Variants in ABCA3 observed in about 807,000 individuals in gnomAD.
The protein encoded by ABCA3 is phospholipid-transporting ATPase ABCA3.
ABCA3 carries 88 observed loss-of-function variants against 172.8 expected under a neutral mutation model. The ratio of observed to expected loss-of-function variants is 0.51; its 90% CI spans 0.43 to 0.61. The LOEUF is 0.61. Ranked by LOEUF, ABCA3 falls within the 20% of genes least tolerant of loss-of-function variation. The pLI, the probability that ABCA3 is intolerant of heterozygous loss-of-function variation, is 0.00. For synonymous variants in ABCA3, 1,066 were observed against 983.8 expected, an observed-to-expected ratio of 1.08 and a Z score of -1.56; for missense variants, 2,164 against 2,301.0, an observed-to-expected ratio of 0.94 and a Z score of 1.22.
At position 2,288,268 on chromosome 16, in the gene ABCA3, C is replaced by T. The variant is rs757826923; in HGVS notation, c.2762G>A (p.Arg921His). Residue 921 changes from arginine (R) to histidine (H), a missense_variant, in exon 21 of 33, where the codon CGC becomes CAC. This residue lies in a region of ABCA3 where 1,343 missense variants were observed against 1,369.6 expected (regional missense o/e 0.98). Transcript: ENST00000301732. ...MFLKKAAYSW[R>H]EWKMVAAQVL... ...CTGTGCCGCCACCATTTTCCACTCG[C>T]GCCAGCTGTATGCGGCCTTCTTCAG... The T allele has an allele frequency of 8.8e-6, 14 of 1,587,694 alleles. No homozygotes were observed. Among genetic ancestry groups the T allele is most frequent in the East Asian group, 6.8e-5 (3 of 43,928 alleles).
At chr16:2,299,111 G>A (rs377475764) in intron 14 of ABCA3, among the ~76,000 whole-genome samples, 3 of 139,054 alleles carry the variant, frequency 2.2e-5, no homozygotes, top group African/African-American at 5.2e-5. Context: ...CTGCATTCAC[G>A]GACAGAGGCG....
Position 2,277,734 on chromosome 16 carries a change from G to A in ABCA3, c.4910-64C>T, listed in dbSNP as rs1596826426. 2 of 1,605,544 alleles carry A rather than the reference G, an allele frequency of 1.2e-6. No individual in the cohort carries two copies. The highest frequency in any genetic ancestry group is 1.7e-6 in the Non-Finnish European group (2 of 1,175,354). On this transcript the variant is annotated intron_variant, in intron 31 of 32. Transcript: ENST00000301732. This position sits in a 1 kb window ranked among gnomAD's most constrained non-coding sequence, Gnocchi z 5.3. The stretch of plus-strand genomic sequence containing the variant: ...CTGGAGGATCGGGGAGGGTGCCTGG[G>A]TGCTCAGCACTGGAGTCCTCGTCCC...
At position 2,286,574 on chromosome 16, in the gene ABCA3, C is replaced by T; in HGVS notation, c.3278+120G>A. On this transcript the variant is annotated intron_variant, in intron 22 of 32. Coordinates refer to ENST00000301732, the MANE Select transcript of ABCA3 (RefSeq NM_001089.3). This position sits in a 1 kb window ranked among gnomAD's most constrained non-coding sequence, Gnocchi z 5.2. ...GGAGGATGTGGCAGGGGTTTCCCACCAGACCCAGGGGCTTTGGGAGGGCAG... is the reference window on the plus strand; with the variant it reads ...GGAGGATGTGGCAGGGGTTTCCCACTAGACCCAGGGGCTTTGGGAGGGCAG... 2 of 1,374,316 alleles carry T rather than the reference C, an allele frequency of 1.5e-6. No individual in the cohort carries two copies. Among genetic ancestry groups the T allele is most frequent in the Admixed American group, 4.3e-5 (2 of 46,938 alleles). 85.1% of individuals were successfully genotyped at this position (1,374,316 alleles called of 1,614,324 possible).
rs2141699549 is a variant in ABCA3 at position 2,289,609 on chromosome 16, A to C, written c.2525T>G (p.Leu842Arg). 1.3e-6 allele frequency: 2 copies of C among 1,551,030 alleles called. No individual in the cohort carries two copies. The highest frequency in any genetic ancestry group is 3.9e-5 in the Admixed American group (2 of 51,136). The change falls in exon 20 of 33, where the codon CTG (leucine) becomes CGG (arginine). Residue 842 changes from leucine (L) to arginine (R), a missense_variant. Physicochemically the swap from Leu to Arg is moderately radical, Grantham distance 102 (BLOSUM62 -2). This residue lies in a region of ABCA3 where 1,343 missense variants were observed against 1,369.6 expected (regional missense o/e 0.98). Transcript: ENST00000301732. Reference sequence around the variant, plus strand: ...CTGGATGTCCATACTGCTGTCCACCAGCTTCCCGACCCTGTGCCGATACAC... The same window carrying C: ...CTGGATGTCCATACTGCTGTCCACCCGCTTCCCGACCCTGTGCCGATACAC... ...MEEVFLRVGK[L>R]VDSSMDIQAI...
At chr16:2,299,960 G>A (rs373313553) in intron 13 of ABCA3, 45 bp downstream of exon 13, 3 of 1,608,696 alleles carry the variant, frequency 1.9e-6, no homozygotes, top group Non-Finnish European at 2.5e-6. Flanking sequence ...GTCTTCCCAT[G>A]GTCCTGGCAG....
Position 2,278,421 on chromosome 16 carries a change from G to C in ABCA3, c.4585C>G (p.Leu1529Val), listed in dbSNP as rs1596827212. The stretch of plus-strand genomic sequence containing the variant: ...AAGATGACAGCAGGCTCTCCGATCA[G>C]GGCGATGCCGGTGCTCAGCTTCCGC... The part of the protein sequence containing the change: ...NKRKLSTGIA[L>V]IGEPAVIFLD... Residue 1529 changes from leucine to valine, a missense_variant, in exon 30 of 33, where the codon CTG (leucine) becomes GTG (valine). Transcript: ENST00000301732. The surrounding 1 kb of genome is among the most constrained non-coding windows in gnomAD (Gnocchi z 4.4). The C allele has an allele frequency of 6.2e-7, 1 of 1,612,854 alleles. No homozygotes were observed. Among genetic ancestry groups the C allele is most frequent in the Non-Finnish European group, 8.5e-7 (1 of 1,180,028 alleles).
chr16:2,293,761 T>G (rs2093675671), intron 18 of ABCA3, among the ~76,000 whole-genome samples: 1 of 151,658 alleles, frequency 6.6e-6, no homozygotes. Context: ...CAGGATGGTC[T>G]CGATCTCCTG....
intron 7 of ABCA3, 35 bp from the exon 8 acceptor site, chr16:2,319,875 C>T (rs377662308): frequency 1.2e-5 from 20 of 1,611,644 alleles, no homozygotes; most frequent in Non-Finnish European, 1.7e-5. Flanking sequence ...CCAGCCACCT[C>T]GAGGAGCTGC....
In ABCA3 at chr16:2,297,955, C is replaced by A; in HGVS notation, c.1897-34G>T. On this transcript the variant is annotated intron_variant, in intron 15 of 32. Transcript: ENST00000301732. The surrounding 1 kb of genome is among the most constrained non-coding windows in gnomAD (Gnocchi z 5.6). ...ACAGGGGACGCAGGGAGATGCAGGG[C>A]TCCTGGCGGGAGGCCGACCCTGGCC... 1 of 1,612,224 alleles carries A rather than the reference C, an allele frequency of 6.2e-7. No homozygotes were observed. The highest frequency in any genetic ancestry group is 1.1e-5 in the South Asian group (1 of 90,992).
intron 10 of ABCA3, among the ~76,000 whole-genome samples, chr16:2,315,872 A>G (rs1284481054): frequency 1.5e-5 from 2 of 130,962 alleles, no homozygotes; most frequent in East Asian, 4.9e-4. Context: ...TTGTAGAGAC[A>G]GGGTCTTGCC....
At chr16:2,320,741 G>A (rs1283968918) in intron 7 of ABCA3, among the ~76,000 whole-genome samples, 1 of 151,996 alleles carries the variant, frequency 6.6e-6, no homozygotes, top group Non-Finnish European at 1.5e-5. Flanking sequence ...TCTAAGGCAT[G>A]GACATCTGGA....
intron 10 of ABCA3, among the ~76,000 whole-genome samples, chr16:2,311,118 C>G (rs943417607): frequency 6.6e-6 from 1 of 152,008 alleles, no homozygotes; most frequent in Non-Finnish European, 1.5e-5. Flanking sequence ...GGACTACAGG[C>G]GAGCGCCACC....
Position 2,284,984 on chromosome 16 carries a change from G to C in ABCA3, c.3498C>G (p.Ala1166=). The C allele has an allele frequency of 6.2e-7, 1 of 1,613,376 alleles. No individual in the cohort carries two copies. Among genetic ancestry groups the C allele is most frequent in the African/African-American group, 1.3e-5 (1 of 75,016 alleles). ...PSLLLLVVFK[A]FDVRAFTRDG... ...CCCGCGTGAAGGCACGCACGTCGAA[G>C]GCCTTAAACACCACCTGCGGCGGCA... Residue 1166 remains alanine (A), a synonymous_variant, in exon 24 of 33, where the codon GCC becomes GCG. Transcript: ENST00000301732. This position sits in a 1 kb window ranked among gnomAD's most constrained non-coding sequence, Gnocchi z 5.9.
chr16:2,326,439 G>A lies in ABCA3; in HGVS notation c.28C>T (p.Leu10Phe), dbSNP rs2093734533. 1 of 1,612,740 alleles carries A rather than the reference G, an allele frequency of 6.2e-7. No individual in the cohort carries two copies. Among genetic ancestry groups the A allele is most frequent in the Non-Finnish European group, 8.5e-7 (1 of 1,179,440 alleles). MAVLRQLAL[L>F]LWKNYTLQKR... ...TGCAGGGTGTAGTTCTTCCAGAGGA[G>A]GAGCGCCAGCTGCCTGAGCACAGCC... Residue 10 changes from leucine (L) to phenylalanine (F), a missense_variant, in exon 4 of 33, where the codon CTC (leucine) becomes TTC (phenylalanine). Transcript: ENST00000301732.
intron 18 of ABCA3, among the ~76,000 whole-genome samples, chr16:2,295,209 T>C (rs1401990529): frequency 1.3e-5 from 2 of 152,188 alleles, no homozygotes; most frequent in Non-Finnish European, 2.9e-5. Context: ...GCTCTGACAC[T>C]GAGACCAAAT....
intron 18 of ABCA3, among the ~76,000 whole-genome samples, chr16:2,293,531 G>A (rs868730131): frequency 4.0e-5 from 6 of 149,068 alleles, no homozygotes; most frequent in African/African-American, 1.2e-4. Context: ...ACAACTACAC[G>A]TGGCTAAGTT....
intron 18 of ABCA3, among the ~76,000 whole-genome samples, chr16:2,293,473 G>A (rs967830512): frequency 6.8e-6 from 1 of 146,554 alleles, no homozygotes; most frequent in African/African-American, 2.5e-5. Context: ...CCGGGCTCAA[G>A]CAATCCTCTC....
Position 2,309,539 on chromosome 16 carries a change from TGA to T in ABCA3, c.1112-918_1112-917del, listed in dbSNP as rs374987497. 1.4e-4 allele frequency among the ~76,000 whole-genome samples: 21 copies of T among 151,850 alleles called. No individual in the cohort carries two copies. In the East Asian group the frequency reaches 3.9e-3, roughly 28 times the overall value. On this transcript the variant is annotated intron_variant, in intron 10 of 32. Transcript: ENST00000301732. ...ACATGTGAGAAGGAGCCGGAAGAGG[TGA>T]GAGAGTGGATTACGGAGAGTGGAGA... is the stretch of plus-strand genomic sequence containing the variant.
At chr16:2,331,924 G>A (rs1217571788) in intron 1 of ABCA3, among the ~76,000 whole-genome samples, 1 of 152,184 alleles carries the variant, frequency 6.6e-6, no homozygotes, top group African/African-American at 2.4e-5. Context: ...AGTCAGGAAA[G>A]GGAAGGCAAA....
Sources: gnomAD v4.1 joint callset for allele counts (sites outside exome capture counted in the v4.1 genomes callset) on GRCh38, gnomAD v4.1.1 for gene constraint, gnomAD v4.1.1 regional missense constraint, Gnocchi (gnomAD v3.1) non-coding constraint, MANE v1.5 for transcripts, NCBI Gene and HGNC (gene_info 2026-07-23, HGNC 2026-07-21) for gene names.